Variants in ADAM22 observed in about 807,000 individuals in gnomAD.
ADAM22 encodes the protein disintegrin and metalloproteinase domain-containing protein 22.
A neutral mutation model predicts 144.6 loss-of-function variants in ADAM22; 65 were observed. The observed-to-expected ratio is 0.45, with a 90% CI of 0.37 to 0.55. The LOEUF is 0.55. Ranked by LOEUF, ADAM22 falls within the 20% of genes least tolerant of loss-of-function variation. The pLI is 0.00. For synonymous variants in ADAM22, 391 were observed against 412.6 expected, an observed-to-expected ratio of 0.95 and a Z score of 0.63; for missense variants, 974 against 1,184.9, an observed-to-expected ratio of 0.82 and a Z score of 2.61.
intron 3 of ADAM22, among the ~76,000 whole-genome samples, chr7:88,022,366 T>C (rs1285117065): frequency 6.6e-6 from 1 of 152,194 alleles, no homozygotes; most frequent in Non-Finnish European, 1.5e-5. Flanking sequence ...AAACTAAAAT[T>C]CAATGTTTTG....
chr7:87,949,294 G>A (rs1213228927), intron 2 of ADAM22, among the ~76,000 whole-genome samples: 2 of 152,160 alleles, frequency 1.3e-5, no homozygotes, highest in Non-Finnish European at 2.9e-5. Context: ...GAAAGGCAGG[G>A]CCATGATGAC....
At position 88,197,147 on chromosome 7, in the gene ADAM22, G is replaced by A. The variant is rs1850769003; in HGVS notation, c.*656G>A. On this transcript the variant is annotated 3_prime_UTR_variant, in exon 32 of 32. Coordinates refer to ENST00000413139, the MANE Select transcript of ADAM22 (RefSeq NM_001324418.2). ...TTTAAAATTTTAAAAAAATGCAGCT[G>A]TTACACACAAGTGTATTTTGCCAAA... The A allele has an allele frequency of 6.6e-6, 1 of 152,180 alleles. No homozygotes were observed. Among genetic ancestry groups the A allele is most frequent in the Admixed American group, 6.6e-5 (1 of 15,262 alleles). The allele number at this position is 152,180 out of a possible 1,614,324, so 9.4% of individuals were successfully genotyped here. A position where few individuals can be genotyped will look rare whatever the true frequency, so the allele number is the denominator to read the frequency against.
intron 22 of ADAM22, among the ~76,000 whole-genome samples, chr7:88,161,193 GAA>G (rs34723283): frequency 7.3e-6 from 1 of 136,956 alleles, no homozygotes; most frequent in African/African-American, 2.6e-5. Flanking sequence ...AACATATTTG[GAA>G]AAAAAAAAAA....
intron 22 of ADAM22, 83 bp downstream of exon 22, chr7:88,156,089 A>C: frequency 6.7e-7 from 1 of 1,501,048 alleles, no homozygotes. Flanking sequence ...TTTTCAATTA[A>C]TGTACATGTT....
At chr7:88,063,412 C>T (rs756168561) in intron 3 of ADAM22, among the ~76,000 whole-genome samples, 4 of 151,664 alleles carry the variant, frequency 2.6e-5, no homozygotes, top group Non-Finnish European at 4.4e-5. Context: ...ATAGGAGAGA[C>T]AAGATAAAAA....
intron 3 of ADAM22, among the ~76,000 whole-genome samples, chr7:88,025,936 A>T (rs10435249): frequency 0.13 from 19,498 of 152,178 alleles, 1,556 homozygotes; most frequent in East Asian, 0.25. Context: ...GATTGCATTG[A>T]ATCTGTATAT....
chr7:87,993,011 C>T (rs772897016), intron 3 of ADAM22, among the ~76,000 whole-genome samples: 4 of 152,138 alleles, frequency 2.6e-5, no homozygotes, highest in African/African-American at 4.8e-5. Context: ...GAGGTGAGTT[C>T]GCCTTTCCCC....
intron 6 of ADAM22, among the ~76,000 whole-genome samples, chr7:88,115,379 T>C (rs1827507513): frequency 2.0e-5 from 3 of 152,238 alleles, no homozygotes; most frequent in African/African-American, 7.2e-5. Context: ...AACAAAATAC[T>C]GTAGACTGGG....
intron 3 of ADAM22, among the ~76,000 whole-genome samples, chr7:88,008,752 G>T (rs544477454): frequency 1.1e-4 from 17 of 152,046 alleles, no homozygotes; most frequent in African/African-American, 9.7e-5. Context: ...GACTGTTGTG[G>T]GGTGGGGGTA....
intron 14 of ADAM22, among the ~76,000 whole-genome samples, chr7:88,140,167 G>T (rs1052678278): frequency 1.3e-5 from 2 of 152,110 alleles, no homozygotes; most frequent in African/African-American, 4.8e-5. Flanking sequence ...CTCTTGGAGG[G>T]CACTAAGCCA....
chr7:88,078,778 G>A lies in ADAM22; in HGVS notation c.390+3086G>A, dbSNP rs182280810. Among the ~76,000 whole-genome samples the A allele has an allele frequency of 8.7e-4, 133 of 152,280 alleles. 1 individual carries two copies. Among genetic ancestry groups the A allele is most frequent in the Admixed American group, 7.1e-3 (108 of 15,294 alleles). On this transcript the variant is annotated intron_variant, in intron 4 of 31. Coordinates refer to ENST00000413139, the MANE Select transcript of ADAM22 (RefSeq NM_001324418.2). The stretch of plus-strand genomic sequence containing the variant: ...GAAGATGAAATGAATGAAATGAAGC[G>A]TGAAGAGAAGTTCAGAGAAAAAAGA...
At chr7:88,144,895 A>AT (rs1227892662) in intron 15 of ADAM22, among the ~76,000 whole-genome samples, 5 of 152,088 alleles carry the variant, frequency 3.3e-5, no homozygotes, top group African/African-American at 1.2e-4. Flanking sequence ...ATATATAAAT[A>AT]TATAGGTAAA....
intron 3 of ADAM22, among the ~76,000 whole-genome samples, chr7:87,999,961 TG>T (rs1792137889): frequency 6.6e-6 from 1 of 150,650 alleles, no homozygotes; most frequent in Non-Finnish European, 1.5e-5. Context: ...TGCTCCAGCC[TG>T]GGCAATATAG....
chr7:87,959,950 TTCTG>T (rs1326917648), intron 2 of ADAM22, among the ~76,000 whole-genome samples: 1 of 152,156 alleles, frequency 6.6e-6, no homozygotes, highest in East Asian at 1.9e-4. Context: ...GTTTTTTCCT[TTCTG>T]TTTGGACTCT....
intron 5 of ADAM22, among the ~76,000 whole-genome samples, chr7:88,113,703 A>AATATATATAT (rs58099116): frequency 0.016 from 750 of 47,996 alleles, 50 homozygotes; most frequent in Non-Finnish European, 0.021. Flanking sequence ...TAAATAAATA[A>AATATATATAT]ATATATATAT....
intron 22 of ADAM22, among the ~76,000 whole-genome samples, chr7:88,162,130 A>ACACACACACC (rs774035065): frequency 5.3e-4 from 79 of 150,202 alleles, no homozygotes; most frequent in Non-Finnish European, 1.0e-3. Flanking sequence ...ACACACACAC[A>ACACACACACC]CACCATGGAA....
At chr7:87,985,539 G>A (rs1018536417) in intron 3 of ADAM22, among the ~76,000 whole-genome samples, 1 of 152,012 alleles carries the variant, frequency 6.6e-6, no homozygotes, top group Non-Finnish European at 1.5e-5. Flanking sequence ...TTATAAATTT[G>A]TGTTTTCTGG....
At chr7:88,056,649 A>G (rs1466563481) in intron 3 of ADAM22, among the ~76,000 whole-genome samples, 1 of 152,206 alleles carries the variant, frequency 6.6e-6, no homozygotes, top group Non-Finnish European at 1.5e-5. Flanking sequence ...ACAATTGATA[A>G]TATATATGAT....
intron 2 of ADAM22, among the ~76,000 whole-genome samples, chr7:87,967,010 G>A (rs1849289355): frequency 6.6e-6 from 1 of 152,104 alleles, no homozygotes; most frequent in South Asian, 2.1e-4. Flanking sequence ...GATAGTGAGT[G>A]AGTTCTCACG....
Sources: gnomAD v4.1 joint callset for allele counts (sites outside exome capture counted in the v4.1 genomes callset) on GRCh38, gnomAD v4.1.1 for gene constraint, MANE v1.5 for transcripts, NCBI Gene and HGNC (gene_info 2026-07-23, HGNC 2026-07-21) for gene names.